Variants in CSMD1 observed in about 807,000 individuals in gnomAD.
CSMD1 encodes CUB and sushi domain-containing protein 1.
A neutral mutation model predicts 417.5 loss-of-function variants in CSMD1; 213 were observed. That is an observed-to-expected ratio of 0.51 (90% CI 0.46 to 0.57). CSMD1 has a LOEUF of 0.57. Ranked by LOEUF, CSMD1 falls within the 20% of genes least tolerant of loss-of-function variation. The pLI, the probability that CSMD1 is intolerant of heterozygous loss-of-function variation, is 0.00. For synonymous variants in CSMD1, 2,862 were observed against 1,736.8 expected, an observed-to-expected ratio of 1.65 and a Z score of -16.11; for missense variants, 6,923 against 4,529.7, an observed-to-expected ratio of 1.53 and a Z score of -15.17.
At chr8:4,573,690 G>A (rs757203384) in intron 2 of CSMD1, among the ~76,000 whole-genome samples, 6 of 152,132 alleles carry the variant, frequency 3.9e-5, no homozygotes, top group Non-Finnish European at 5.9e-5. Context: ...CCAGCAGGCA[G>A]AAAGAGTTAG....
At chr8:4,934,864 T>G in intron 1 of CSMD1, among the ~76,000 whole-genome samples, 1 of 152,262 alleles carries the variant, frequency 6.6e-6, no homozygotes, top group Admixed American at 6.5e-5. Flanking sequence ...CATCTAACTA[T>G]ACTACATCAA....
intron 12 of CSMD1, among the ~76,000 whole-genome samples, chr8:3,420,556 T>C (rs1220286521): frequency 6.6e-6 from 1 of 151,434 alleles, no homozygotes; most frequent in East Asian, 2.0e-4. Context: ...TGGACAGAAA[T>C]GCTCTGTACT....
chr8:4,440,445 A>G (rs1288622208), intron 2 of CSMD1, among the ~76,000 whole-genome samples: 2 of 152,088 alleles, frequency 1.3e-5, no homozygotes, highest in African/African-American at 4.8e-5. Flanking sequence ...GCACAAAATC[A>G]TTGTTCATCT....
chr8:4,455,091 TC>T (rs1799387423), intron 2 of CSMD1, among the ~76,000 whole-genome samples: 1 of 152,140 alleles, frequency 6.6e-6, no homozygotes, highest in Admixed American at 6.5e-5. Flanking sequence ...AGGAATTTTT[TC>T]TTAAGGTCTG....
intron 8 of CSMD1, among the ~76,000 whole-genome samples, chr8:3,600,146 C>A (rs1801292223): frequency 6.6e-6 from 1 of 152,220 alleles, no homozygotes. Flanking sequence ...CACATAACTG[C>A]AGGTGGCATC....
At chr8:4,033,597 T>G (rs1194985318) in intron 3 of CSMD1, among the ~76,000 whole-genome samples, 1 of 152,220 alleles carries the variant, frequency 6.6e-6, no homozygotes, top group Admixed American at 6.5e-5. Flanking sequence ...TAAAACTAAG[T>G]TGTGGCTCAA....
chr8:4,697,177 A>C (rs1807189525), intron 1 of CSMD1, among the ~76,000 whole-genome samples: 1 of 152,130 alleles, frequency 6.6e-6, no homozygotes, highest in African/African-American at 2.4e-5. Context: ...GTCTCAAAAA[A>C]ATAATAATAA....
chr8:3,439,122 C>CAAAAAAAAAAAAAAAAA (rs1158997352), intron 12 of CSMD1, among the ~76,000 whole-genome samples: 1 of 2,494 alleles, frequency 4.0e-4, no homozygotes, highest in Non-Finnish European at 5.7e-4. Context: ...GACTCCATCT[C>CAAAAAAAAAAAAAAAAA]AAAAAAAAAA....
At chr8:3,754,675 G>C (rs571102300) in intron 5 of CSMD1, among the ~76,000 whole-genome samples, 1 of 152,142 alleles carries the variant, frequency 6.6e-6, no homozygotes. Flanking sequence ...GGCTGGTCTC[G>C]AACTTGTGAC....
At chr8:3,464,619 A>G (rs535281308) in intron 12 of CSMD1, among the ~76,000 whole-genome samples, 2 of 149,994 alleles carry the variant, frequency 1.3e-5, no homozygotes, top group Admixed American at 6.7e-5. Context: ...AAATTATACA[A>G]TTATATATAG....
chr8:3,333,445 A>T (rs1394014710), intron 23 of CSMD1, among the ~76,000 whole-genome samples: 1 of 152,196 alleles, frequency 6.6e-6, no homozygotes, highest in Non-Finnish European at 1.5e-5. Context: ...CTTATTGGAT[A>T]TTTTCCCAAC....
intron 3 of CSMD1, among the ~76,000 whole-genome samples, chr8:4,260,795 C>T (rs564500625): frequency 6.6e-6 from 1 of 152,096 alleles, no homozygotes; most frequent in Admixed American, 6.5e-5. Context: ...GCACTGTCAC[C>T]TCTCCTGGAA....
intron 1 of CSMD1, among the ~76,000 whole-genome samples, chr8:4,922,480 G>A (rs932099206): frequency 2.0e-5 from 3 of 152,138 alleles, no homozygotes; most frequent in Admixed American, 6.6e-5. Context: ...TCACTTTTAT[G>A]TATTCTTCCT....
At chr8:4,177,725 C>A (rs1368134926) in intron 3 of CSMD1, among the ~76,000 whole-genome samples, 1 of 149,580 alleles carries the variant, frequency 6.7e-6, no homozygotes. Flanking sequence ...CAAATAGATG[C>A]AATAAAAAAT....
intron 2 of CSMD1, among the ~76,000 whole-genome samples, chr8:4,454,175 G>C (rs761888413): frequency 1.3e-5 from 2 of 151,922 alleles, no homozygotes; most frequent in Admixed American, 6.6e-5. Flanking sequence ...CCTATTATCA[G>C]TTCCTACCCC....
intron 1 of CSMD1, among the ~76,000 whole-genome samples, chr8:4,776,482 G>C (rs1407746380): frequency 6.6e-6 from 1 of 152,152 alleles, no homozygotes; most frequent in Non-Finnish European, 1.5e-5. Flanking sequence ...AAGAAGCAGA[G>C]TTGTGGTTAG....
chr8:3,740,865 G>A (rs369586561), intron 6 of CSMD1, among the ~76,000 whole-genome samples: 4 of 152,114 alleles, frequency 2.6e-5, no homozygotes, highest in African/African-American at 7.2e-5. Flanking sequence ...CAGAGAGGAT[G>A]AGGCAGAGCC....
chr8:4,895,229 C>A (rs1308607822), intron 1 of CSMD1, among the ~76,000 whole-genome samples: 3 of 152,092 alleles, frequency 2.0e-5, no homozygotes, highest in Non-Finnish European at 4.4e-5. Context: ...ACTAAGACAA[C>A]CTGAATCACG....
chr8:4,376,745 C>T (rs1053949073), intron 3 of CSMD1, among the ~76,000 whole-genome samples: 1 of 152,152 alleles, frequency 6.6e-6, no homozygotes, highest in Admixed American at 6.5e-5. Context: ...CTTTATTCAC[C>T]CAGCTGCAAT....
Sources: allele counts gnomAD v4.1 joint callset (sites outside exome capture counted in the v4.1 genomes callset), GRCh38; gene constraint gnomAD v4.1.1; transcripts MANE v1.5; gene names NCBI Gene and HGNC (gene_info 2026-07-23, HGNC 2026-07-21).